DOCK3: variants seen among roughly 807,000 people sequenced by gnomAD.
The protein encoded by DOCK3 is dedicator of cytokinesis protein 3.
Under a neutral mutation model 265.6 loss-of-function variants are expected in DOCK3, and 60 were observed. That is an observed-to-expected ratio of 0.23 (90% confidence interval 0.18 to 0.28). DOCK3 has a LOEUF of 0.28. DOCK3 is among the 10% of genes least tolerant of loss of function. DOCK3 has a pLI of 1.00. For synonymous variants in DOCK3, 881 were observed against 938.0 expected, an observed-to-expected ratio of 0.94 and a Z score of 1.11; for missense variants, 1,981 against 2,594.3, an observed-to-expected ratio of 0.76 and a Z score of 5.14.
intron 5 of DOCK3, among the ~76,000 whole-genome samples, chr3:50,937,390 C>A (rs963535082): frequency 1.3e-5 from 2 of 151,834 alleles, no homozygotes; most frequent in African/African-American, 4.8e-5. Flanking sequence ...CACGGTGGCT[C>A]ACGCCTGTAA....
At position 51,361,891 on chromosome 3, in the gene DOCK3, C is replaced by T; in HGVS notation, c.5039C>T (p.Ser1680Leu). 2 of 1,613,422 alleles carry T rather than the reference C, an allele frequency of 1.2e-6. No homozygotes were observed. The highest frequency in any genetic ancestry group is 1.7e-6 in the Non-Finnish European group (2 of 1,179,678). ...PMNLMGTGRH[S>L]SSSLSSHASS... is the part of the protein sequence containing the mutation. ...AACTTGATGGGCACAGGCCGCCATT[C>T]ATCATCCTCTCTCTCCTCACATGCG... is the stretch of plus-strand genomic sequence containing the variant. The change falls in exon 48 of 53, where the codon TCA becomes TTA. Residue 1680 changes from serine to leucine, a missense_variant. Coordinates refer to ENST00000266037, the MANE Select transcript of DOCK3 (RefSeq NM_004947.5). The surrounding 1 kb of genome is among the most constrained non-coding windows in gnomAD (Gnocchi z 4.2).
chr3:50,685,726 G>A, intron 1 of DOCK3: 2 of 226,662 alleles, frequency 8.8e-6, no homozygotes, highest in Admixed American at 8.5e-5. Flanking sequence ...GAGCATGGAA[G>A]TTTTCTGCTG....
At chr3:50,686,308 G>C (rs2034794132) in intron 1 of DOCK3, among the ~76,000 whole-genome samples, 1 of 152,154 alleles carries the variant, frequency 6.6e-6, no homozygotes, top group Admixed American at 6.5e-5. Context: ...ATGGAAGCAG[G>C]CTTTTCAGTG....
intron 22 of DOCK3, among the ~76,000 whole-genome samples, chr3:51,249,011 A>G (rs1236271317): frequency 3.3e-5 from 4 of 121,626 alleles, no homozygotes; most frequent in East Asian, 2.8e-4. Flanking sequence ...GCCCCGTCTG[A>G]GAAGTGAGGA....
intron 9 of DOCK3, among the ~76,000 whole-genome samples, chr3:51,136,308 G>A (rs6769957): frequency 0.91 from 138,253 of 151,612 alleles, 63,177 homozygotes; most frequent in African/African-American, 0.96. Context: ...GCTCACTGCA[G>A]GCTCTGCCTC....
intron 5 of DOCK3, among the ~76,000 whole-genome samples, chr3:51,023,787 T>G (rs932721950): frequency 3.3e-5 from 5 of 152,190 alleles, no homozygotes; most frequent in African/African-American, 1.2e-4. Flanking sequence ...GTTTTTTTAA[T>G]TCATTTTTGT....
At chr3:51,072,732 G>GTC (rs999788744) in intron 6 of DOCK3, among the ~76,000 whole-genome samples, 1 of 151,778 alleles carries the variant, frequency 6.6e-6, no homozygotes, top group Non-Finnish European at 1.5e-5. Context: ...TTGAGACAGG[G>GTC]TCTCTCTCTG....
chr3:51,108,865 G>A (rs1045672315), intron 9 of DOCK3, among the ~76,000 whole-genome samples: 2 of 152,124 alleles, frequency 1.3e-5, no homozygotes, highest in African/African-American at 2.4e-5. Context: ...CTCAACACAG[G>A]AGCACTCAAA....
At chr3:51,352,918 C>T (rs995817800) in intron 40 of DOCK3, among the ~76,000 whole-genome samples, 3 of 152,204 alleles carry the variant, frequency 2.0e-5, no homozygotes, top group Non-Finnish European at 4.4e-5. Flanking sequence ...GGCTAGGCTA[C>T]TCTCCTACCA....
intron 1 of DOCK3, among the ~76,000 whole-genome samples, chr3:50,678,909 A>G (rs2034182204): frequency 6.6e-6 from 1 of 151,854 alleles, no homozygotes; most frequent in Non-Finnish European, 1.5e-5. Context: ...TCCCAGGTTC[A>G]TGCCATTCTC....
At chr3:51,057,876 C>T (rs967826296) in intron 5 of DOCK3, among the ~76,000 whole-genome samples, 10 of 152,112 alleles carry the variant, frequency 6.6e-5, no homozygotes, top group Admixed American at 6.5e-4. Flanking sequence ...TAAGTAATTT[C>T]ATTTTCATGT....
intron 3 of DOCK3, chr3:50,863,469 G>A (rs370473323): frequency 3.9e-6 from 2 of 519,286 alleles, no homozygotes; most frequent in African/African-American, 1.9e-5. Context: ...TTACAAGGGT[G>A]AGTGCAGCAG....
intron 7 of DOCK3, among the ~76,000 whole-genome samples, chr3:51,085,153 A>G (rs1036952675): frequency 7.2e-5 from 11 of 152,250 alleles, no homozygotes; most frequent in Non-Finnish European, 1.2e-4. Context: ...TGTGCATCCA[A>G]TACCACAGCA....
chr3:50,893,549 G>T (rs942254142), intron 4 of DOCK3, among the ~76,000 whole-genome samples: 1 of 151,992 alleles, frequency 6.6e-6, no homozygotes, highest in African/African-American at 2.4e-5. Flanking sequence ...TTGAAGATAG[G>T]TCATTTGAAA....
intron 40 of DOCK3, among the ~76,000 whole-genome samples, chr3:51,351,965 G>A (rs1483357973): frequency 6.6e-6 from 1 of 152,168 alleles, no homozygotes; most frequent in African/African-American, 2.4e-5. Context: ...CCAGGAATGA[G>A]TGGAGAGACT....
chr3:51,366,009 A>G (rs929394930), intron 49 of DOCK3, among the ~76,000 whole-genome samples: 16 of 152,166 alleles, frequency 1.1e-4, no homozygotes, highest in Admixed American at 1.0e-3. Context: ...CATAAAATGA[A>G]TTAGGGAGGA....
chr3:50,906,599 C>T (rs573940993), intron 4 of DOCK3, among the ~76,000 whole-genome samples: 8 of 152,042 alleles, frequency 5.3e-5, no homozygotes, highest in Non-Finnish European at 7.4e-5. Context: ...TCTGTGGGAT[C>T]GGTGGTGATA....
At chr3:51,233,361 T>TCTA (rs141212241) in intron 19 of DOCK3, among the ~76,000 whole-genome samples, 3 of 10,422 alleles carry the variant, frequency 2.9e-4, no homozygotes, top group African/African-American at 3.9e-4. Flanking sequence ...TATCTATCTA[T>TCTA]TTATTTATTT....
intron 4 of DOCK3, among the ~76,000 whole-genome samples, chr3:50,922,342 G>A (rs1250970571): frequency 6.6e-6 from 1 of 152,092 alleles, no homozygotes; most frequent in Non-Finnish European, 1.5e-5. Flanking sequence ...CGTGGGTGTA[G>A]GACCCCCTGA....
Sources: gnomAD v4.1 joint callset for allele counts (sites outside exome capture counted in the v4.1 genomes callset) on GRCh38, gnomAD v4.1.1 for gene constraint, Gnocchi (gnomAD v3.1) non-coding constraint, MANE v1.5 for transcripts, NCBI Gene and HGNC (gene_info 2026-07-23, HGNC 2026-07-21) for gene names.